Variants in NIPAL3 observed in about 807,000 individuals in gnomAD.
NIPAL3 encodes the protein NIPA-like protein 3.
In NIPAL3, 41 loss-of-function variants were observed where a neutral mutation model predicts 47.2. The observed-to-expected ratio is 0.87, with a 90% CI of 0.68 to 1.13. The LOEUF (loss-of-function observed/expected upper bound fraction) is 1.13. Among genes scored for constraint, NIPAL3 ranks in the 50% most tolerant of loss-of-function variants. NIPAL3 has a pLI of 0.00. For synonymous variants in NIPAL3, 194 were observed against 209.6 expected (o/e 0.93, Z 0.64); for missense variants, 449 against 530.1 (o/e 0.85, Z 1.50).
intron 8 of NIPAL3, among the ~76,000 whole-genome samples, chr1:24,458,572 G>A (rs113145438): frequency 0.02 from 3,060 of 151,952 alleles, 104 homozygotes; most frequent in African/African-American, 0.07. Flanking sequence ...AGTGGGGTGG[G>A]GATACGGGGG....
At chr1:24,463,450 A>G (rs1163168205) in intron 10 of NIPAL3, among the ~76,000 whole-genome samples, 1 of 152,098 alleles carries the variant, frequency 6.6e-6, no homozygotes, top group African/African-American at 2.4e-5. Flanking sequence ...CCCCAAGTAA[A>G]ATTCATTCAG....
At chr1:24,453,970 G>A (rs1646067059) in intron 7 of NIPAL3, 13 of 445,594 alleles carry the variant, frequency 2.9e-5, no homozygotes, top group South Asian at 2.1e-4. Context: ...TAGAGGGATG[G>A]GTGCTGTGGA....
At chr1:24,459,002 C>T (rs751975332) in intron 9 of NIPAL3, 26 bp downstream of exon 9, 1 of 1,595,398 alleles carries the variant, frequency 6.3e-7, no homozygotes, top group South Asian at 1.1e-5. Flanking sequence ...TGCTAGATTT[C>T]TGTCTTCTAC....
At chr1:24,466,290 G>C (rs911195499) in intron 11 of NIPAL3, 20 of 421,868 alleles carry the variant, frequency 4.7e-5, no homozygotes, top group African/African-American at 3.9e-4. Context: ...GGAAGAAAAG[G>C]GTTTTTTTCC....
intron 2 of NIPAL3, among the ~76,000 whole-genome samples, chr1:24,431,284 A>G (rs1439216602): frequency 6.6e-6 from 1 of 152,230 alleles, no homozygotes; most frequent in East Asian, 1.9e-4. Context: ...GCAATGTACC[A>G]GAGTAAGATT....
intron 2 of NIPAL3, among the ~76,000 whole-genome samples, chr1:24,432,799 G>A (rs1410117043): frequency 6.6e-6 from 1 of 152,200 alleles, no homozygotes; most frequent in Non-Finnish European, 1.5e-5. Flanking sequence ...CTTGATAAAT[G>A]TTAGTTTATG....
chr1:24,430,227 A>G (rs1340087529), intron 2 of NIPAL3, among the ~76,000 whole-genome samples: 1 of 144,412 alleles, frequency 6.9e-6, no homozygotes, highest in African/African-American at 2.8e-5. Context: ...TAGCAGTATC[A>G]CTAAATTCTT....
At chr1:24,463,320 G>A (rs1043076417) in intron 10 of NIPAL3, among the ~76,000 whole-genome samples, 1 of 152,174 alleles carries the variant, frequency 6.6e-6, no homozygotes, top group Non-Finnish European at 1.5e-5. Context: ...TTTCATCCAT[G>A]GTGAGAGAAG....
At chr1:24,439,302 A>G (rs1440524486) in intron 2 of NIPAL3, among the ~76,000 whole-genome samples, 1 of 152,250 alleles carries the variant, frequency 6.6e-6, no homozygotes, top group Non-Finnish European at 1.5e-5. Context: ...GACATTTAAT[A>G]AAAATGACAA....
At chr1:24,458,852 C>G in intron 8 of NIPAL3, 36 bp from the exon 9 acceptor site, 1 of 1,553,456 alleles carries the variant, frequency 6.4e-7, no homozygotes, top group South Asian at 1.1e-5. Context: ...TCCAACGTCT[C>G]CACAGCCCAC....
intron 9 of NIPAL3, among the ~76,000 whole-genome samples, chr1:24,459,829 C>T (rs1322399065): frequency 3.3e-5 from 5 of 152,232 alleles, no homozygotes; most frequent in Non-Finnish European, 7.3e-5. Flanking sequence ...AAAGGAATCA[C>T]AAACACCATG....
At chr1:24,456,405 G>A in intron 8 of NIPAL3, 132 bp downstream of exon 8, 1 of 1,277,066 alleles carries the variant, frequency 7.8e-7, no homozygotes, top group Non-Finnish European at 1.1e-6. Context: ...AGCATGGAGA[G>A]AGGAGCTGCT....
intron 4 of NIPAL3, among the ~76,000 whole-genome samples, chr1:24,442,563 T>C (rs1645448065): frequency 6.6e-6 from 1 of 152,212 alleles, no homozygotes; most frequent in South Asian, 2.1e-4. Context: ...CCAGGTTCTG[T>C]TTAAGATTCA....
At position 24,454,897 on chromosome 1, in the gene NIPAL3, T is replaced by C. The variant is rs1216509192; in HGVS notation, c.638-1241T>C. 1 of 152,236 alleles carries C rather than the reference T, an allele frequency of 6.6e-6. No homozygotes were observed. The highest frequency in any genetic ancestry group is 2.4e-5 in the African/African-American group (1 of 41,468). The allele number at this position is 152,236 out of a possible 1,614,324, so 9.4% of individuals were successfully genotyped here. Reference sequence around the variant, plus strand: ...CATCATAGCATGAATCAGTCCTTCATTCCTCGGTGACTTTGTTTTCAAAGT... The same window carrying C: ...CATCATAGCATGAATCAGTCCTTCACTCCTCGGTGACTTTGTTTTCAAAGT... On this transcript the variant is annotated intron_variant, in intron 7 of 11. Transcript: ENST00000374399. The surrounding 1 kb of genome is among the most constrained non-coding windows in gnomAD (Gnocchi z 4.1).
rs780800864 is a variant in NIPAL3, at chr1:24,449,609, C to A, written c.523C>A (p.Pro175Thr). 2 of 1,613,524 alleles carry A rather than the reference C, an allele frequency of 1.2e-6. No individual in the cohort carries two copies. The highest frequency in any genetic ancestry group is 8.5e-7 in the Non-Finnish European group (1 of 1,179,892). Residue 175 changes from proline to threonine, a missense_variant, in exon 6 of 12, where the codon CCT (proline) becomes ACT (threonine). Physicochemically the swap from Pro to Thr is conservative, Grantham distance 38. Coordinates refer to ENST00000374399, the MANE Select transcript of NIPAL3 (RefSeq NM_020448.5). This position sits in a 1 kb window ranked among gnomAD's most constrained non-coding sequence, Gnocchi z 4.5. Reference protein sequence around the residue: ...ENVTRHLVSWPFLLYMLVEII... With the variant: ...ENVTRHLVSWTFLLYMLVEII... The stretch of plus-strand genomic sequence containing the variant: ...TGTCACCAGGCACCTCGTGAGCTGG[C>A]CTTTCCTTTTGTACATGGTAAGAGA...
At chr1:24,453,634 TC>T in intron 7 of NIPAL3, 130 bp downstream of exon 7, 1 of 725,856 alleles carries the variant, frequency 1.4e-6, no homozygotes, top group Non-Finnish European at 2.3e-6. Context: ...TTGTTCTGTC[TC>T]CATCAGTGGC....
At chr1:24,464,167 A>G in intron 11 of NIPAL3, 47 bp downstream of exon 11, 1 of 1,425,548 alleles carries the variant, frequency 7.0e-7, no homozygotes, top group Non-Finnish European at 9.8e-7. Context: ...ATATAGAATG[A>G]CTGCTACTTC....
intron 10 of NIPAL3, among the ~76,000 whole-genome samples, chr1:24,462,450 T>G (rs1394255150): frequency 6.6e-6 from 1 of 152,182 alleles, no homozygotes; most frequent in Non-Finnish European, 1.5e-5. Flanking sequence ...ATTCAGACAA[T>G]GGGTTCTACG....
chr1:24,445,212 T>C lies in NIPAL3; in HGVS notation c.362T>C (p.Ile121Thr). ...AGTGCCATCATAGGAATCATATTCA[T>C]CAAGGAAAAGTGGAAACCGAAAGAC... ...IASAIIGIIF[I>T]KEKWKPKDFL... Residue 121 changes from isoleucine to threonine, a missense_variant, in exon 5 of 12, where the codon ATC becomes ACC. Physicochemically the swap from Ile to Thr is moderately conservative, Grantham distance 89. Transcript: ENST00000374399. The C allele has an allele frequency of 6.2e-7, 1 of 1,612,880 alleles. No individual in the cohort carries two copies. Among genetic ancestry groups the C allele is most frequent in the South Asian group, 1.1e-5 (1 of 91,024 alleles).
Sources: allele counts gnomAD v4.1 joint callset (sites outside exome capture counted in the v4.1 genomes callset), GRCh38; gene constraint gnomAD v4.1.1; non-coding constraint Gnocchi (gnomAD v3.1); transcripts MANE v1.5; gene names NCBI Gene and HGNC (gene_info 2026-07-23, HGNC 2026-07-21).